RIMS2: variants seen among roughly 807,000 people sequenced by gnomAD.
RIMS2 encodes the protein regulating synaptic membrane exocytosis 2.
RIMS2 carries 59 observed loss-of-function variants against 174.4 expected under a neutral mutation model. The observed-to-expected ratio is 0.34, with a 90% CI of 0.27 to 0.42. The LOEUF is 0.42. RIMS2 is among the 10% of genes least tolerant of loss of function. RIMS2 has a pLI of 1.00. For synonymous variants in RIMS2, 606 were observed against 572.5 expected, an observed-to-expected ratio of 1.06 and a Z score of -0.84; for missense variants, 1,620 against 1,666.3, an observed-to-expected ratio of 0.97 and a Z score of 0.48.
chr8:103,927,923 T>C (rs1464943040), intron 11 of RIMS2: 3 of 1,584,744 alleles, frequency 1.9e-6, no homozygotes, highest in South Asian at 2.3e-5. Context: ...GAAACTAAAG[T>C]TGTGTTTAAC....
intron 1 of RIMS2, among the ~76,000 whole-genome samples, chr8:103,606,937 A>G (rs570705794): frequency 8.9e-4 from 135 of 151,962 alleles, no homozygotes; most frequent in African/African-American, 3.0e-3. Flanking sequence ...CACACTGATG[A>G]GTCTTGACTC....
chr8:103,655,395 A>G (rs1188922432), intron 1 of RIMS2, among the ~76,000 whole-genome samples: 8 of 152,080 alleles, frequency 5.3e-5, no homozygotes, highest in African/African-American at 1.7e-4. Context: ...AGGAAAAATG[A>G]TAAATGCCTT....
intron 19 of RIMS2, among the ~76,000 whole-genome samples, chr8:104,085,347 A>G (rs80304585): frequency 6.6e-6 from 1 of 152,358 alleles, no homozygotes; most frequent in African/African-American, 2.4e-5. Flanking sequence ...AGGGAAAGAC[A>G]TATGGTCATA....
chr8:103,617,010 A>G (rs1255601239), intron 1 of RIMS2, among the ~76,000 whole-genome samples: 1 of 152,170 alleles, frequency 6.6e-6, no homozygotes, highest in Non-Finnish European at 1.5e-5. Context: ...TTCACAAACT[A>G]GAAAAATCTA....
chr8:104,059,982 T>C (rs2096949812), intron 19 of RIMS2, among the ~76,000 whole-genome samples: 1 of 151,932 alleles, frequency 6.6e-6, no homozygotes, highest in African/African-American at 2.4e-5. Flanking sequence ...CAGTATTTTA[T>C]TGAGGATTTT....
intron 1 of RIMS2, among the ~76,000 whole-genome samples, chr8:103,624,686 T>G (rs1036605103): frequency 1.3e-5 from 2 of 152,208 alleles, no homozygotes; most frequent in African/African-American, 4.8e-5. Context: ...ACAAACATTT[T>G]TATATGATGA....
At chr8:103,940,613 CT>C (rs1388775914) in intron 13 of RIMS2, among the ~76,000 whole-genome samples, 1 of 152,042 alleles carries the variant, frequency 6.6e-6, no homozygotes, top group African/African-American at 2.4e-5. Flanking sequence ...ACTAAAAACC[CT>C]TCTGTATTTC....
At chr8:103,680,055 G>C (rs940771057) in intron 1 of RIMS2, among the ~76,000 whole-genome samples, 3 of 151,970 alleles carry the variant, frequency 2.0e-5, no homozygotes, top group African/African-American at 7.2e-5. Flanking sequence ...TACAGAAAAA[G>C]TTTGTTGACT....
chr8:103,907,859 C>A (rs2074796355), intron 4 of RIMS2, among the ~76,000 whole-genome samples: 1 of 151,712 alleles, frequency 6.6e-6, no homozygotes, highest in South Asian at 2.1e-4. Flanking sequence ...TATTCTCCTG[C>A]CTCAGCCTCC....
intron 6 of RIMS2, among the ~76,000 whole-genome samples, chr8:103,915,165 A>G (rs1281457383): frequency 6.6e-6 from 1 of 152,090 alleles, no homozygotes; most frequent in African/African-American, 2.4e-5. Context: ...TTATATAATT[A>G]ATGATACTGT....
chr8:103,881,195 G>A (rs2099165808), intron 3 of RIMS2, among the ~76,000 whole-genome samples: 1 of 151,384 alleles, frequency 6.6e-6, no homozygotes. Context: ...ATTTTGCACT[G>A]TATGTCCAGT....
intron 19 of RIMS2, among the ~76,000 whole-genome samples, chr8:104,071,185 T>C (rs2097189652): frequency 1.3e-5 from 2 of 152,336 alleles, no homozygotes; most frequent in Admixed American, 1.3e-4. Context: ...TAATTTTGAT[T>C]TTACTTCGAT....
chr8:104,115,877 A>G (rs2098270849), intron 19 of RIMS2, among the ~76,000 whole-genome samples: 1 of 152,046 alleles, frequency 6.6e-6, no homozygotes, highest in Admixed American at 6.6e-5. Flanking sequence ...GAGATCAGAA[A>G]CCCTAATTCT....
chr8:103,523,286 T>G (rs1053306590), intron 1 of RIMS2, among the ~76,000 whole-genome samples: 1 of 152,134 alleles, frequency 6.6e-6, no homozygotes, highest in Non-Finnish European at 1.5e-5. Context: ...GATTTTGCAT[T>G]GGGCATCAGT....
At chr8:103,667,354 G>C (rs1177252222) in intron 1 of RIMS2, among the ~76,000 whole-genome samples, 2 of 152,122 alleles carry the variant, frequency 1.3e-5, no homozygotes, top group Non-Finnish European at 2.9e-5. Context: ...ATCTGCTGTA[G>C]AACCTGTTAT....
intron 16 of RIMS2, among the ~76,000 whole-genome samples, chr8:103,983,129 A>C (rs2094054322): frequency 6.6e-6 from 1 of 152,218 alleles, no homozygotes; most frequent in Admixed American, 6.5e-5. Context: ...AAATCAAGAA[A>C]GTAATTCCAC....
chr8:104,059,086 T>C (rs1354613317), intron 19 of RIMS2, among the ~76,000 whole-genome samples: 1 of 151,276 alleles, frequency 6.6e-6, no homozygotes, highest in African/African-American at 2.4e-5. Flanking sequence ...TTTAAAGTAG[T>C]TTTTTCCAAT....
chr8:103,655,939 A>G (rs1237014754), intron 1 of RIMS2, among the ~76,000 whole-genome samples: 3 of 152,168 alleles, frequency 2.0e-5, no homozygotes, highest in Admixed American at 1.3e-4. Flanking sequence ...TGTATAAAGA[A>G]CATATTGACT....
intron 14 of RIMS2, among the ~76,000 whole-genome samples, chr8:103,956,684 G>A (rs1299554793): frequency 6.6e-6 from 1 of 152,156 alleles, no homozygotes; most frequent in Non-Finnish European, 1.5e-5. Flanking sequence ...TCAGGACATT[G>A]GCATGGGCAA....
Sources: gnomAD v4.1 joint callset for allele counts (sites outside exome capture counted in the v4.1 genomes callset) on GRCh38, gnomAD v4.1.1 for gene constraint, MANE v1.5 for transcripts, NCBI Gene and HGNC (gene_info 2026-07-23, HGNC 2026-07-21) for gene names.